Variants in FASLG observed in about 807,000 individuals in gnomAD.
FASLG encodes tumor necrosis factor ligand superfamily member 6.
A neutral mutation model predicts 24.6 loss-of-function variants in FASLG; 9 were observed. That is an observed-to-expected ratio of 0.37 (90% CI 0.22 to 0.64). FASLG has a LOEUF of 0.64. Among genes scored for constraint, FASLG ranks in the 30% least tolerant of loss-of-function variants. The probability of loss-of-function intolerance (pLI) is 0.64; values close to 1 mark genes in which losing one functional copy is unlikely to be tolerated. For missense variants in FASLG, 306 were observed against 345.3 expected (o/e 0.89, Z 0.90); for synonymous variants, 130 against 135.5 (o/e 0.96, Z 0.28).
intron 2 of FASLG, among the ~76,000 whole-genome samples, chr1:172,660,651 C>T (rs960225259): frequency 2.0e-5 from 3 of 152,154 alleles, no homozygotes; most frequent in Non-Finnish European, 4.4e-5. Flanking sequence ...ATCAATTCCC[C>T]ACATTAGAAT....
chr1:172,666,342 T>A lies in FASLG; in HGVS notation c.*326T>A. On this transcript the variant is annotated 3_prime_UTR_variant, in exon 4 of 4. Coordinates refer to ENST00000367721, the MANE Select transcript of FASLG (RefSeq NM_000639.3). The stretch of plus-strand genomic sequence containing the variant: ...TAGGCAGATTGAAAAGGACACCTTT[T>A]AACTCACCTCTCAAGGTGGGCCTTG... 1 of 294,598 alleles carries A rather than the reference T, an allele frequency of 3.4e-6. No homozygotes were observed. The highest frequency in any genetic ancestry group is 6.6e-6 in the Non-Finnish European group (1 of 152,458). 18.2% of individuals were successfully genotyped at this position (294,598 alleles called of 1,614,324 possible).
At chr1:172,665,240 TC>T (rs1343814336) in intron 3 of FASLG, among the ~76,000 whole-genome samples, 1 of 152,230 alleles carries the variant, frequency 6.6e-6, no homozygotes, top group South Asian at 2.1e-4. Flanking sequence ...GTCCCTAAGA[TC>T]CTTCCCAACT....
At position 172,659,232 on chromosome 1, in the gene FASLG, C is replaced by G. The variant is rs930084567; in HGVS notation, c.31C>G (p.Gln11Glu). 1 of 1,614,082 alleles carries G rather than the reference C, an allele frequency of 6.2e-7. No individual in the cohort carries two copies. Among genetic ancestry groups the G allele is most frequent in the African/African-American group, 1.3e-5 (1 of 74,946 alleles). ...GCAGCCCTTCAATTACCCATATCCC[C>G]AGATCTACTGGGTGGACAGCAGTGC... MQQPFNYPYP[Q>E]IYWVDSSASS... The change falls in exon 1 of 4, where the codon CAG (glutamine) becomes GAG (glutamate). Residue 11 changes from glutamine to glutamate, a missense_variant. Gln to Glu is a conservative substitution (Grantham distance 29). Transcript: ENST00000367721.
At chr1:172,662,595 C>A (rs1659166789) in intron 2 of FASLG, among the ~76,000 whole-genome samples, 1 of 151,926 alleles carries the variant, frequency 6.6e-6, no homozygotes, top group Non-Finnish European at 1.5e-5. Context: ...GGGTCAGAAG[C>A]CCGATGAGTG....
chr1:172,659,420 G>C lies in FASLG; in HGVS notation c.219G>C (p.Lys73Asn). ...CACTACCGCTGCCACCCCTGAAGAA[G>C]AGAGGGAACCACAGCACAGGCCTGT... ...LPPLPLPPLKKRGNHSTGLCL... is the reference protein window; with the variant it reads ...LPPLPLPPLKNRGNHSTGLCL... The change falls in exon 1 of 4, where the codon AAG becomes AAC. Residue 73 changes from lysine (K) to asparagine (N), a missense_variant. By Grantham distance (94) the Lys-to-Asn change is moderately conservative. Transcript: ENST00000367721. The C allele has an allele frequency of 1.2e-6, 2 of 1,613,528 alleles. No homozygotes were observed. Among genetic ancestry groups the C allele is most frequent in the Non-Finnish European group, 8.5e-7 (1 of 1,179,684 alleles).
In FASLG at chr1:172,666,874, T is replaced by C. The variant is rs1177848437; in HGVS notation, c.*858T>C. On this transcript the variant is annotated 3_prime_UTR_variant, in exon 4 of 4. Coordinates refer to ENST00000367721, the MANE Select transcript of FASLG (RefSeq NM_000639.3). ...TAAAAAGTATATGTTAGGATACAAA[T>C]AATTTTTAGAATTTACTAATATTTG... 3 of 152,374 alleles carry C rather than the reference T, an allele frequency of 2.0e-5. No homozygotes were observed. The highest frequency in any genetic ancestry group is 7.2e-5 in the African/African-American group (3 of 41,456). The allele number at this position is 152,374 out of a possible 1,614,324, so 9.4% of individuals were successfully genotyped here. A position where few individuals can be genotyped will look rare whatever the true frequency, so the allele number is the denominator to read the frequency against.
intron 2 of FASLG, among the ~76,000 whole-genome samples, chr1:172,663,901 A>G (rs1423446509): frequency 6.6e-6 from 1 of 152,150 alleles, no homozygotes; most frequent in Non-Finnish European, 1.5e-5. Context: ...TGGCGTCAGG[A>G]GAGCAGGGTG....
intron 2 of FASLG, among the ~76,000 whole-genome samples, chr1:172,661,807 G>A (rs971341160): frequency 1.3e-5 from 2 of 152,006 alleles, no homozygotes; most frequent in African/African-American, 4.8e-5. Context: ...AGAGAAAAGT[G>A]CCTGTGCAAA....
At position 172,665,973 on chromosome 1, in the gene FASLG, A is replaced by G. The variant is rs962770513; in HGVS notation, c.803A>G (p.Asn268Ser). The G allele has an allele frequency of 1.5e-5, 24 of 1,613,992 alleles. No homozygotes were observed. The highest frequency in any genetic ancestry group is 1.6e-5 in the Non-Finnish European group (19 of 1,179,988). Reference sequence around the variant, plus strand: ...AACGTATCTGAGCTCTCTCTGGTCAATTTTGAGGAATCTCAGACGTTTTTC... The same window carrying G: ...AACGTATCTGAGCTCTCTCTGGTCAGTTTTGAGGAATCTCAGACGTTTTTC... ...YVNVSELSLVNFEESQTFFGL... is the reference protein window; with the variant it reads ...YVNVSELSLVSFEESQTFFGL... The change falls in exon 4 of 4, where the codon AAT becomes AGT. Residue 268 changes from asparagine (N) to serine (S), a missense_variant. Asn to Ser is a conservative substitution (Grantham distance 46). Coordinates refer to ENST00000367721, the MANE Select transcript of FASLG (RefSeq NM_000639.3).
rs1659161570 is a variant in FASLG, at chr1:172,662,411, GGT to G, written c.395-1920_395-1919del. The stretch of plus-strand genomic sequence containing the variant: ...TTCACATGTGTGAGGCTAGATGTTG[GGT>G]GTTGGATGCTGATTGAGGATGAGCC... On this transcript the variant is annotated intron_variant, in intron 2 of 3. Coordinates refer to ENST00000367721, the MANE Select transcript of FASLG (RefSeq NM_000639.3). Among the ~76,000 whole-genome samples the G allele has an allele frequency of 2.0e-5, 3 of 152,136 alleles. No homozygotes were observed. In the South Asian group the frequency reaches 6.2e-4, roughly 32 times the overall value.
chr1:172,662,568 T>C (rs1223024224), intron 2 of FASLG, among the ~76,000 whole-genome samples: 1 of 152,012 alleles, frequency 6.6e-6, no homozygotes, highest in African/African-American at 2.4e-5. Context: ...GAGGTGTTGT[T>C]TACGCTAACA....
At chr1:172,662,754 A>G (rs1659170505) in intron 2 of FASLG, among the ~76,000 whole-genome samples, 1 of 152,218 alleles carries the variant, frequency 6.6e-6, no homozygotes, top group Non-Finnish European at 1.5e-5. Flanking sequence ...CAGTATAGGT[A>G]CAGCAGATAT....
chr1:172,665,570 T>A, intron 3 of FASLG, 52 bp from the exon 4 acceptor site: 1 of 1,599,382 alleles, frequency 6.3e-7, no homozygotes, highest in Non-Finnish European at 8.5e-7. Context: ...AAACTTAGTT[T>A]GTTGGATGCA....
rs1553286835 is a variant in FASLG at position 172,666,616 on chromosome 1, G to GTGT, written c.*600_*601insTGT. On this transcript the variant is annotated 3_prime_UTR_variant, in exon 4 of 4. Coordinates refer to ENST00000367721, the MANE Select transcript of FASLG (RefSeq NM_000639.3). Reference sequence around the variant, plus strand: ...TGTGTATTTCCAGTGCAATTGTAGGGGTGTGTGTGTGTGTGTGTGTGTGTG... The same window carrying GTGT: ...TGTGTATTTCCAGTGCAATTGTAGGGTGTGTGTGTGTGTGTGTGTGTGTGTGTG... 14 of 150,074 alleles carry GTGT rather than the reference G, an allele frequency of 9.3e-5. No homozygotes were observed. Among genetic ancestry groups the GTGT allele is most frequent in the African/African-American group, 3.2e-4 (13 of 40,220 alleles). The allele number at this position is 150,074 out of a possible 1,614,324, so 9.3% of individuals were successfully genotyped here.
intron 1 of FASLG, 50 bp downstream of exon 1, chr1:172,659,599 G>T (rs201674849): frequency 5.7e-4 from 905 of 1,597,070 alleles, no homozygotes; most frequent in Non-Finnish European, 7.1e-4. Flanking sequence ...GGCATAAGGG[G>T]ATGGAGGGCC....
chr1:172,659,333 G>A lies in FASLG; in HGVS notation c.132G>A (p.Arg44=). 2 of 1,613,192 alleles carry A rather than the reference G, an allele frequency of 1.2e-6. No homozygotes were observed. Among genetic ancestry groups the A allele is most frequent in the South Asian group, 1.1e-5 (1 of 91,018 alleles). The change falls in exon 1 of 4, where the codon AGG becomes AGA. Residue 44 remains arginine, a synonymous_variant. Transcript: ENST00000367721. ...TSVPRRPGQR[R]PPPPPPPPPL... ...TGCCCAGAAGGCCTGGTCAAAGGAGGCCACCACCACCACCGCCACCGCCAC... is the reference window on the plus strand; with the variant it reads ...TGCCCAGAAGGCCTGGTCAAAGGAGACCACCACCACCACCGCCACCGCCAC...
Position 172,666,082 on chromosome 1 carries a change from G to A in FASLG, c.*66G>A. On this transcript the variant is annotated 3_prime_UTR_variant, in exon 4 of 4. Transcript: ENST00000367721. The stretch of plus-strand genomic sequence containing the variant: ...ACAGGCACCGAGAATGTTGTATTCA[G>A]TGAGGGTCTTCTTACATGCATTTGA... 6.3e-7 allele frequency: 1 copy of A among 1,593,004 alleles called. No individual in the cohort carries two copies. Among genetic ancestry groups the A allele is most frequent in the South Asian group, 1.1e-5 (1 of 89,616 alleles).
At chr1:172,659,977 C>T in intron 1 of FASLG, 118 bp from the exon 2 acceptor site, 1 of 1,111,700 alleles carries the variant, frequency 9.0e-7, no homozygotes, top group South Asian at 1.5e-5. Context: ...CCCAAGTTAG[C>T]AGAACTTCTG....
Position 172,666,308 on chromosome 1 carries a change from G to C in FASLG, c.*292G>C. 4.8e-6 allele frequency: 2 copies of C among 416,914 alleles called. No homozygotes were observed. Among genetic ancestry groups the C allele is most frequent in the Admixed American group, 7.0e-5 (2 of 28,698 alleles). 25.8% of individuals were successfully genotyped at this position (416,914 alleles called of 1,614,324 possible). On this transcript the variant is annotated 3_prime_UTR_variant, in exon 4 of 4. Transcript: ENST00000367721. ...GTGTTCTACACTCATCTTAGTGCCT[G>C]AGAGTATTTAGGCAGATTGAAAAGG... is the stretch of plus-strand genomic sequence containing the variant.
Sources: gnomAD v4.1 joint callset for allele counts (sites outside exome capture counted in the v4.1 genomes callset) on GRCh38, gnomAD v4.1.1 for gene constraint, MANE v1.5 for transcripts, NCBI Gene and HGNC (gene_info 2026-07-23, HGNC 2026-07-21) for gene names.